Variants in STOML1 observed in about 807,000 individuals in gnomAD.
The protein encoded by STOML1 is stomatin like 1.
Under a neutral mutation model 35.7 loss-of-function variants are expected in STOML1, and 27 were observed. The observed-to-expected ratio is 0.76, with a 90% CI of 0.56 to 1.04. The LOEUF (loss-of-function observed/expected upper bound fraction) is 1.04, where lower values mean the gene tolerates loss of function less well. STOML1 is among the 50% of genes least tolerant of loss of function. The pLI, the probability that STOML1 is intolerant of heterozygous loss-of-function variation, is 0.00. For synonymous variants in STOML1, 219 were observed against 227.9 expected, an observed-to-expected ratio of 0.96 and a Z score of 0.35; for missense variants, 451 against 527.1, an observed-to-expected ratio of 0.86 and a Z score of 1.41.
rs1451751024 is a variant in STOML1 at position 73,983,977 on chromosome 15, A to G, written c.1157T>C (p.Met386Thr). 4 of 1,613,922 alleles carry G rather than the reference A, an allele frequency of 2.5e-6. No homozygotes were observed. The highest frequency in any genetic ancestry group is 3.4e-6 in the Non-Finnish European group (4 of 1,180,024). ...GRLKVKGDLA[M>T]AMKLEAVLRA... ...GAGGACAGCCTCCAGCTTCATGGCC[A>G]TAGCCAGGTCGCCCTTCACCTTCAG... is the stretch of plus-strand genomic sequence containing the variant. The change falls in exon 7 of 7, where the codon ATG becomes ACG. Residue 386 changes from methionine (M) to threonine (T), a missense_variant. Physicochemically the swap from Met to Thr is moderately conservative, Grantham distance 81. Coordinates refer to ENST00000541638, the MANE Select transcript of STOML1 (RefSeq NM_004809.5).
rs2069176901 is a variant in STOML1, at chr15:73,988,854, G to A, written c.391-52C>T. On this transcript the variant is annotated intron_variant, in intron 3 of 6. Transcript: ENST00000541638. The surrounding 1 kb of genome is among the most constrained non-coding windows in gnomAD (Gnocchi z 4.8). The stretch of plus-strand genomic sequence containing the variant: ...ACACTCAAGGGGCTGGGGGTGCAGG[G>A]AGGTCAGGCCCACTGGGGCCACCCA... 1.3e-6 allele frequency: 2 copies of A among 1,582,956 alleles called. No individual in the cohort carries two copies. Among genetic ancestry groups the A allele is most frequent in the Non-Finnish European group, 1.7e-6 (2 of 1,160,160 alleles).
chr15:73,991,835 G>A, intron 1 of STOML1: 2 of 611,264 alleles, frequency 3.3e-6, no homozygotes, highest in South Asian at 3.8e-5. Flanking sequence ...GAGGACAAAT[G>A]TGGTGAGGTG....
In STOML1 at chr15:73,979,733, C is replaced by T. The variant is rs996438417; in HGVS notation, c.*4204G>A. The T allele has an allele frequency of 6.6e-6, 1 of 152,050 alleles. No homozygotes were observed. The highest frequency in any genetic ancestry group is 2.4e-5 in the African/African-American group (1 of 41,394). The allele number at this position is 152,050 out of a possible 1,614,324, so 9.4% of individuals were successfully genotyped here. A position where few individuals can be genotyped will look rare whatever the true frequency, so the allele number is the denominator to read the frequency against. On this transcript the variant is annotated 3_prime_UTR_variant, in exon 7 of 7. Coordinates refer to ENST00000541638, the MANE Select transcript of STOML1 (RefSeq NM_004809.5). ...TAGGGGAAGAGAAACCAAACCAAACCAAACCCTGTTCTTTGCTGGAGCTAG... is the reference window on the plus strand; with the variant it reads ...TAGGGGAAGAGAAACCAAACCAAACTAAACCCTGTTCTTTGCTGGAGCTAG...
upstream of STOML1, among the ~76,000 whole-genome samples, chr15:73,992,937 C>T (rs137904023): frequency 1.9e-3 from 287 of 152,294 alleles, no homozygotes; most frequent in Non-Finnish European, 8.5e-4. Flanking sequence ...ACATAGTCTG[C>T]AAATTATTCC....
Position 73,988,981 on chromosome 15 carries a change from C to A in STOML1, c.390+127G>T. 2 of 1,464,892 alleles carry A rather than the reference C, an allele frequency of 1.4e-6. No individual in the cohort carries two copies. The highest frequency in any genetic ancestry group is 1.8e-6 in the Non-Finnish European group (2 of 1,093,688). The allele number at this position is 1,464,892 out of a possible 1,614,324, so 90.7% of individuals were successfully genotyped here. On this transcript the variant is annotated intron_variant, in intron 3 of 6. Coordinates refer to ENST00000541638, the MANE Select transcript of STOML1 (RefSeq NM_004809.5). The surrounding 1 kb of genome is among the most constrained non-coding windows in gnomAD (Gnocchi z 4.8). ...GCAAGGATGTCCTCCTAGCTTCCAT[C>A]AATTTTCTGGTCTCTTCTTCCCCCT...
chr15:73,988,840 G>A lies in STOML1; in HGVS notation c.391-38C>T. ...GCCATGAGAGAGAGACACTCAAGGG[G>A]CTGGGGGTGCAGGGAGGTCAGGCCC... is the stretch of plus-strand genomic sequence containing the variant. On this transcript the variant is annotated intron_variant, in intron 3 of 6. Coordinates refer to ENST00000541638, the MANE Select transcript of STOML1 (RefSeq NM_004809.5). This position sits in a 1 kb window ranked among gnomAD's most constrained non-coding sequence, Gnocchi z 4.8. 1 of 1,592,802 alleles carries A rather than the reference G, an allele frequency of 6.3e-7. No homozygotes were observed. The highest frequency in any genetic ancestry group is 8.6e-7 in the Non-Finnish European group (1 of 1,164,792).
chr15:73,992,471 G>T, upstream of STOML1: 2 of 344,590 alleles, frequency 5.8e-6, no homozygotes, highest in Non-Finnish European at 1.0e-5. Context: ...GGACCCCGCT[G>T]GGGTCATCGC....
rs1266356414 is a variant in STOML1 at position 73,982,960 on chromosome 15, G to T, written c.*977C>A. ...CCCACCTGCCCCTCAGTGTTTGCAG[G>T]ACACTCTGGCACACTCATGCCTTCC... On this transcript the variant is annotated 3_prime_UTR_variant, in exon 7 of 7. Transcript: ENST00000541638. The T allele has an allele frequency of 2.6e-5, 4 of 152,220 alleles. No individual in the cohort carries two copies. The highest frequency in any genetic ancestry group is 5.9e-5 in the Non-Finnish European group (4 of 68,088). The allele number at this position is 152,220 out of a possible 1,614,324, so 9.4% of individuals were successfully genotyped here.
In STOML1 at chr15:73,989,276, G is replaced by T; in HGVS notation, c.241-19C>A. ...GCACAATCTGTCCACAATGGCAAGG[G>T]AAAGAGTTGAAAGTGGTCAGCCTAG... is the stretch of plus-strand genomic sequence containing the variant. On this transcript the variant is annotated intron_variant, in intron 2 of 6. Transcript: ENST00000541638. 5.1e-6 allele frequency: 8 copies of T among 1,561,606 alleles called. No homozygotes were observed. Among genetic ancestry groups the T allele is most frequent in the Non-Finnish European group, 7.0e-6 (8 of 1,148,858 alleles).
chr15:73,985,557 T>G, intron 4 of STOML1, 44 bp from the exon 5 acceptor site: 9 of 1,525,672 alleles, frequency 5.9e-6, no homozygotes, highest in African/African-American at 4.2e-5. Context: ...TCAACAAACC[T>G]TTCCTGAGCA....
intron 1 of STOML1, chr15:73,991,732 G>A (rs2069282977): frequency 2.0e-6 from 1 of 510,138 alleles, no homozygotes; most frequent in Non-Finnish European, 3.8e-6. Context: ...TGCCTTTAGG[G>A]TGCTGGTGGC....
chr15:73,992,338 C>A, upstream of STOML1: 2 of 1,241,870 alleles, frequency 1.6e-6, no homozygotes, highest in Non-Finnish European at 2.1e-6. Flanking sequence ...CGCGGCCACC[C>A]GCGGCGGCGC....
At chr15:73,984,551 C>T (rs1595858932) in intron 6 of STOML1, 108 bp downstream of exon 6, 1 of 1,347,748 alleles carries the variant, frequency 7.4e-7, no homozygotes, top group South Asian at 1.3e-5. Context: ...TGGGTTCACC[C>T]CAAATTATTG....
At position 73,982,690 on chromosome 15, in the gene STOML1, T is replaced by G. The variant is rs2068974892; in HGVS notation, c.*1247A>C. On this transcript the variant is annotated 3_prime_UTR_variant, in exon 7 of 7. Transcript: ENST00000541638. ...GCTTTGATTTTTGTGGTTTTGTTTT[T>G]CCCAGAAGTCTCTCCAAGGAGTAAG... is the stretch of plus-strand genomic sequence containing the variant. The G allele has an allele frequency of 6.6e-6, 1 of 152,380 alleles. No individual in the cohort carries two copies. The highest frequency in any genetic ancestry group is 1.5e-5 in the Non-Finnish European group (1 of 68,206). 9.4% of individuals were successfully genotyped at this position (152,380 alleles called of 1,614,324 possible). A position where few individuals can be genotyped will look rare whatever the true frequency, so the allele number is the denominator to read the frequency against.
At chr15:73,985,619 G>A (rs760975368) in intron 4 of STOML1, 106 bp from the exon 5 acceptor site, 21 of 1,316,968 alleles carry the variant, frequency 1.6e-5, no homozygotes, top group East Asian at 8.4e-5. Context: ...GCACCACACC[G>A]CCCTTGAGAC....
intron 1 of STOML1, chr15:73,991,883 G>A (rs2069287731): frequency 1.3e-6 from 1 of 763,606 alleles, no homozygotes; most frequent in Non-Finnish European, 2.1e-6. Flanking sequence ...GCTGGCTCTG[G>A]GGCCAAAGCC....
At position 73,990,405 on chromosome 15, in the gene STOML1, C is replaced by A. The variant is rs2069233876; in HGVS notation, c.186G>T (p.Leu62=). 1.2e-6 allele frequency: 2 copies of A among 1,614,164 alleles called. No homozygotes were observed. Among genetic ancestry groups the A allele is most frequent in the South Asian group, 2.2e-5 (2 of 91,066 alleles). ...AGGTGACCAACAGCAGCAAGAACCC[C>A]AGGAAACTGATGAGGCCATGACAGA... ...SCLCHGLISF[L]GFLLLLVTFP... The change falls in exon 2 of 7, where the codon CTG becomes CTT. Residue 62 remains leucine, a synonymous_variant. Transcript: ENST00000541638.
chr15:73,990,808 C>T, intron 1 of STOML1: 5 of 1,535,582 alleles, frequency 3.3e-6, no homozygotes, highest in Non-Finnish European at 4.4e-6. Context: ...ATATTGCCTA[C>T]CCATACCTGG....
rs1000490083 is a variant in STOML1 at position 73,983,130 on chromosome 15, A to G, written c.*807T>C. The stretch of plus-strand genomic sequence containing the variant: ...GTCTGTGTCAGCCACCAGGATGTCA[A>G]TCCCTGCCTGGGCTGGCAGCATGGA... On this transcript the variant is annotated 3_prime_UTR_variant, in exon 7 of 7. Transcript: ENST00000541638. 3.3e-5 allele frequency: 5 copies of G among 152,156 alleles called. No individual in the cohort carries two copies. Among genetic ancestry groups the G allele is most frequent in the African/African-American group, 1.2e-4 (5 of 41,404 alleles). 9.4% of individuals were successfully genotyped at this position (152,156 alleles called of 1,614,324 possible).
Sources: allele counts gnomAD v4.1 joint callset (sites outside exome capture counted in the v4.1 genomes callset), GRCh38; gene constraint gnomAD v4.1.1; non-coding constraint Gnocchi (gnomAD v3.1); transcripts MANE v1.5; gene names NCBI Gene and HGNC (gene_info 2026-07-23, HGNC 2026-07-21).